BANK1: variants seen among roughly 807,000 people sequenced by gnomAD.
The protein encoded by BANK1 is B-cell scaffold protein with ankyrin repeats.
A neutral mutation model predicts 94.5 loss-of-function variants in BANK1; 95 were observed. That is an observed-to-expected ratio of 1.00 (90% CI 0.85 to 1.19). The LOEUF (loss-of-function observed/expected upper bound fraction) is 1.19, where lower values mean the gene tolerates loss of function less well. Ranked by LOEUF, BANK1 falls within the 50% of genes most tolerant of loss-of-function variation. The pLI, the probability that BANK1 is intolerant of heterozygous loss-of-function variation, is 0.00. For synonymous variants in BANK1, 334 were observed against 308.4 expected (o/e 1.08, Z -0.87); for missense variants, 987 against 932.2 (o/e 1.06, Z -0.77).
At chr4:101,934,482 T>G (rs574903610) in intron 7 of BANK1, among the ~76,000 whole-genome samples, 2 of 151,480 alleles carry the variant, frequency 1.3e-5, no homozygotes, top group Non-Finnish European at 3.0e-5. Context: ...TTATGAGCAG[T>G]GAGAGCCTCC....
intron 13 of BANK1, among the ~76,000 whole-genome samples, chr4:102,068,379 T>A (rs1728656524): frequency 6.6e-6 from 1 of 151,228 alleles, no homozygotes. Context: ...GAAAATAAAA[T>A]CAAAAGTAAG....
chr4:101,988,909 A>C (rs1725603870), intron 7 of BANK1, among the ~76,000 whole-genome samples: 1 of 152,228 alleles, frequency 6.6e-6, no homozygotes, highest in African/African-American at 2.4e-5. Context: ...AGTTACAAAA[A>C]TATACTAAGA....
chr4:101,826,335 T>C (rs2148861781), intron 1 of BANK1, among the ~76,000 whole-genome samples: 1 of 152,166 alleles, frequency 6.6e-6, no homozygotes, highest in South Asian at 2.1e-4. Context: ...ACTGCCCGCA[T>C]TGGAGTCCTG....
intron 13 of BANK1, 91 bp downstream of exon 13, chr4:102,063,229 C>G: frequency 2.6e-6 from 3 of 1,160,840 alleles, no homozygotes; most frequent in Non-Finnish European, 3.8e-6. Context: ...GAGTTCAAAT[C>G]TAAACCTCAA....
At chr4:101,832,413 TC>T (rs1726656248) in intron 2 of BANK1, among the ~76,000 whole-genome samples, 1 of 152,196 alleles carries the variant, frequency 6.6e-6, no homozygotes, top group African/African-American at 2.4e-5. Flanking sequence ...TTTCAGGGAC[TC>T]CTTTTTTATG....
At position 102,021,415 on chromosome 4, in the gene BANK1, ATATT is replaced by A. The variant is rs1726894686; in HGVS notation, c.1207-96_1207-93del. 6.7e-6 allele frequency: 3 copies of A among 445,772 alleles called. No individual in the cohort carries two copies. The South Asian group carries it at 1.4e-4, about 21-fold the overall frequency. 27.6% of individuals were successfully genotyped at this position (445,772 alleles called of 1,614,324 possible). A position where few individuals can be genotyped will look rare whatever the true frequency, so the allele number is the denominator to read the frequency against. The stretch of plus-strand genomic sequence containing the variant: ...TATATTATCCAAGATCTGTAATATA[ATATT>A]TAAATAAAAACAAAAACTATTTCTT... On this transcript the variant is annotated intron_variant, in intron 7 of 16. Transcript: ENST00000322953.
chr4:101,962,529 T>G (rs1309773430), intron 7 of BANK1, among the ~76,000 whole-genome samples: 1 of 152,174 alleles, frequency 6.6e-6, no homozygotes, highest in Admixed American at 6.6e-5. Context: ...TTCATCAGTC[T>G]GTTCTATTGA....
In BANK1 at chr4:101,828,790, G is replaced by C. The variant is rs6828441; in HGVS notation, c.71-1018G>C. ...ACATTTCTCTTATTGTGGTGACTTT[G>C]TTTTCTTTCCTGGATATGTGAAGAA... On this transcript the variant is annotated intron_variant, in intron 1 of 16. Transcript: ENST00000322953. 8.9e-3 allele frequency among the ~76,000 whole-genome samples: 1,358 copies of C among 151,992 alleles called. 13 individuals carry two copies. Among genetic ancestry groups the C allele is most frequent in the African/African-American group, 0.03 (1,251 of 41,462 alleles).
chr4:101,859,567 G>C (rs4426778), intron 3 of BANK1, among the ~76,000 whole-genome samples: 2 of 151,938 alleles, frequency 1.3e-5, no homozygotes, highest in African/African-American at 4.8e-5. Flanking sequence ...CAATAGCTTC[G>C]TAAGTGGTAA....
At chr4:102,070,892 ATC>A (rs1396030634) in intron 13 of BANK1, among the ~76,000 whole-genome samples, 4 of 152,240 alleles carry the variant, frequency 2.6e-5, no homozygotes, top group Non-Finnish European at 5.9e-5. Flanking sequence ...TTTCTCAAAA[ATC>A]ATCAACCTCT....
chr4:101,989,499 G>A (rs967884016), intron 7 of BANK1, among the ~76,000 whole-genome samples: 2 of 143,932 alleles, frequency 1.4e-5, no homozygotes, highest in African/African-American at 5.1e-5. Context: ...AAGTAATATT[G>A]ATACACTATT....
chr4:101,866,251 C>T (rs1242119560), intron 4 of BANK1, among the ~76,000 whole-genome samples: 2 of 152,020 alleles, frequency 1.3e-5, no homozygotes, highest in African/African-American at 2.4e-5. Context: ...TGACAAAGGT[C>T]AGAAAAGAAT....
intron 7 of BANK1, among the ~76,000 whole-genome samples, chr4:101,955,730 G>A (rs913966275): frequency 2.0e-5 from 3 of 152,088 alleles, no homozygotes; most frequent in Non-Finnish European, 4.4e-5. Context: ...AAAGTCCCAT[G>A]TAAAAACCTA....
At chr4:101,821,551 T>A (rs1158276208) in intron 1 of BANK1, among the ~76,000 whole-genome samples, 1 of 152,232 alleles carries the variant, frequency 6.6e-6, no homozygotes, top group East Asian at 1.9e-4. Context: ...TGGTATTGCC[T>A]AGGTTGTCTT....
intron 7 of BANK1, among the ~76,000 whole-genome samples, chr4:102,008,197 T>C (rs1034883513): frequency 1.3e-5 from 2 of 152,184 alleles, no homozygotes; most frequent in Admixed American, 6.5e-5. Flanking sequence ...CTAAATTATC[T>C]TAGATTTGAA....
At chr4:101,991,082 C>G (rs1450348070) in intron 7 of BANK1, among the ~76,000 whole-genome samples, 3 of 151,978 alleles carry the variant, frequency 2.0e-5, no homozygotes, top group Non-Finnish European at 4.4e-5. Flanking sequence ...AAGTATTATC[C>G]CCGTTTTGTA....
chr4:102,065,762 CA>C (rs1728571287), intron 13 of BANK1, among the ~76,000 whole-genome samples: 4 of 151,536 alleles, frequency 2.6e-5, no homozygotes, highest in Middle Eastern at 6.8e-3. Context: ...AGTAAAAGTA[CA>C]ATAAAATATA....
chr4:101,961,364 T>A (rs1409269945), intron 7 of BANK1, among the ~76,000 whole-genome samples: 1 of 152,160 alleles, frequency 6.6e-6, no homozygotes, highest in Admixed American at 6.6e-5. Context: ...CTGAGTTGCA[T>A]CCTTATTAGC....
At chr4:101,882,361 C>T (rs1333815526) in intron 5 of BANK1, among the ~76,000 whole-genome samples, 1 of 152,136 alleles carries the variant, frequency 6.6e-6, no homozygotes, top group African/African-American at 2.4e-5. Context: ...TAAGAAGTGT[C>T]AGGTACTAGA....
Sources: allele counts gnomAD v4.1 joint callset (sites outside exome capture counted in the v4.1 genomes callset), GRCh38; gene constraint gnomAD v4.1.1; transcripts MANE v1.5; gene names NCBI Gene and HGNC (gene_info 2026-07-23, HGNC 2026-07-21).